Variants in BANF2 observed in about 807,000 individuals in gnomAD.
The protein encoded by BANF2 is BANF family member 2.
A neutral mutation model predicts 8.0 loss-of-function variants in BANF2; 4 were observed. The observed-to-expected ratio is 0.50, with a 90% CI of 0.25 to 1.14. BANF2 has a LOEUF of 1.14. Among genes scored for constraint, BANF2 ranks in the 50% most tolerant of loss-of-function variants. The pLI is 0.16. For missense variants in BANF2, 96 were observed against 107.5 expected (o/e 0.89, Z 0.47); for synonymous variants, 50 against 40.6 (o/e 1.23, Z -0.88).
chr20:17,733,589 A>G (rs1033297434), intron 3 of BANF2, among the ~76,000 whole-genome samples: 3 of 152,154 alleles, frequency 2.0e-5, no homozygotes, highest in African/African-American at 7.2e-5. Flanking sequence ...CTACTGGCTC[A>G]ATTAACACTT....
chr20:17,699,095 C>T (rs538600501), upstream of BANF2, among the ~76,000 whole-genome samples: 29 of 152,280 alleles, frequency 1.9e-4, no homozygotes, highest in African/African-American at 6.5e-4. Flanking sequence ...TGTATTTTAA[C>T]GAGTCTTCCA....
At chr20:17,714,069 G>A (rs1205926890) in intron 1 of BANF2, among the ~76,000 whole-genome samples, 2 of 151,612 alleles carry the variant, frequency 1.3e-5, no homozygotes, top group African/African-American at 2.4e-5. Flanking sequence ...AGCCAGGCAT[G>A]GTGACAGGTG....
At chr20:17,729,114 G>A (rs6080802) in intron 3 of BANF2, among the ~76,000 whole-genome samples, 17,665 of 152,162 alleles carry the variant, frequency 0.12, 1,214 homozygotes, top group Middle Eastern at 0.27. Flanking sequence ...AGATGTAAGG[G>A]CGAAAGAGCC....
chr20:17,713,839 A>C (rs1036663204), intron 1 of BANF2, among the ~76,000 whole-genome samples: 4 of 152,038 alleles, frequency 2.6e-5, no homozygotes, highest in African/African-American at 9.7e-5. Context: ...CATCTCAAAA[A>C]TAAAAAATAA....
At chr20:17,715,997 G>A (rs2037646767) in intron 1 of BANF2, among the ~76,000 whole-genome samples, 1 of 152,096 alleles carries the variant, frequency 6.6e-6, no homozygotes, top group Admixed American at 6.6e-5. Flanking sequence ...CCACAACTGT[G>A]GTGACCATGA....
At chr20:17,735,374 C>T (rs1300339350) in intron 3 of BANF2, among the ~76,000 whole-genome samples, 1 of 152,196 alleles carries the variant, frequency 6.6e-6, no homozygotes, top group Non-Finnish European at 1.5e-5. Flanking sequence ...TTTTAACAAG[C>T]TCCCACATGA....
At chr20:17,722,525 C>T (rs537071877) in intron 1 of BANF2, among the ~76,000 whole-genome samples, 191 bp from the exon 2 acceptor site, 1 of 152,226 alleles carries the variant, frequency 6.6e-6, no homozygotes, top group Non-Finnish European at 1.5e-5. Flanking sequence ...GGTGCTGAGG[C>T]GTTCTCCTGT....
rs527272543 is a variant in BANF2 at position 17,701,271 on chromosome 20, A to G, written c.-167+1216A>G. On this transcript the variant is annotated intron_variant, in intron 1 of 3. Coordinates refer to ENST00000246090, the MANE Select transcript of BANF2 (RefSeq NM_178477.5). ...CCGTCCTGCAGCAGGTTTAATTTGG[A>G]GAGGAGAAAGGGAGCAAACGCTGAA... 5.3e-5 allele frequency among the ~76,000 whole-genome samples: 8 copies of G among 152,258 alleles called. No homozygotes were observed. In the South Asian group the frequency reaches 1.7e-3, roughly 32 times the overall value.
Position 17,717,941 on chromosome 20 carries a change from C to T in BANF2, c.-166-4775C>T, listed in dbSNP as rs982728321. On this transcript the variant is annotated intron_variant, in intron 1 of 3. Transcript: ENST00000246090. ...TCACAGTTTCTCAGCAAGAAAATTC[C>T]AAAAATGCTTTTTGGCCACTTGAAT... 2.0e-5 allele frequency among the ~76,000 whole-genome samples: 3 copies of T among 152,036 alleles called. No homozygotes were observed. The South Asian group carries it at 6.2e-4, about 32-fold the overall frequency.
At chr20:17,733,576 C>T (rs776876264) in intron 3 of BANF2, among the ~76,000 whole-genome samples, 62 of 152,264 alleles carry the variant, frequency 4.1e-4, no homozygotes, top group Non-Finnish European at 7.6e-4. Flanking sequence ...CCCACACCTA[C>T]GTCTACTGGC....
intron 1 of BANF2, among the ~76,000 whole-genome samples, chr20:17,708,233 C>CA (rs2037515507): frequency 6.6e-6 from 1 of 151,584 alleles, no homozygotes; most frequent in Non-Finnish European, 1.5e-5. Context: ...CGAACAAAAA[C>CA]AAAAACAAAC....
intron 1 of BANF2, among the ~76,000 whole-genome samples, chr20:17,718,464 C>T (rs145203288): frequency 1.3e-4 from 20 of 152,260 alleles, no homozygotes; most frequent in Non-Finnish European, 2.6e-4. Flanking sequence ...CATGAGCTAC[C>T]GCGCCCAGCC....
At chr20:17,715,698 C>T (rs1490629112) in intron 1 of BANF2, among the ~76,000 whole-genome samples, 1 of 152,140 alleles carries the variant, frequency 6.6e-6, no homozygotes, top group African/African-American at 2.4e-5. Context: ...GCACAGTGCT[C>T]GGTACACAAA....
chr20:17,707,563 G>A lies in BANF2; in HGVS notation c.-167+7508G>A, dbSNP rs2037501096. ...CATGTCCAAGGTTCAAGATGAGAAT[G>A]ACCTGATCCTATATATATATATACT... is the stretch of plus-strand genomic sequence containing the variant. On this transcript the variant is annotated intron_variant, in intron 1 of 3. Coordinates refer to ENST00000246090, the MANE Select transcript of BANF2 (RefSeq NM_178477.5). Among the ~76,000 whole-genome samples the A allele has an allele frequency of 5.9e-5, 9 of 152,102 alleles. No individual in the cohort carries two copies. In the South Asian group the frequency reaches 1.9e-3, roughly 32 times the overall value.
At chr20:17,720,035 C>T (rs1600223017) in intron 1 of BANF2, among the ~76,000 whole-genome samples, 2 of 152,318 alleles carry the variant, frequency 1.3e-5, no homozygotes, top group Admixed American at 1.3e-4. Flanking sequence ...ATGTCCAGGG[C>T]ATACCCTATG....
chr20:17,726,925 A>C (rs2037817340), intron 3 of BANF2, among the ~76,000 whole-genome samples: 1 of 152,230 alleles, frequency 6.6e-6, no homozygotes, highest in Non-Finnish European at 1.5e-5. Flanking sequence ...TACCATAGTC[A>C]AGACACAGAG....
intron 3 of BANF2, among the ~76,000 whole-genome samples, chr20:17,727,214 T>G (rs980555606): frequency 1.3e-5 from 2 of 152,220 alleles, no homozygotes; most frequent in South Asian, 4.1e-4. Context: ...CCTGGAGATG[T>G]GCTCCTCTTG....
At chr20:17,724,388 G>T (rs2037773379) in intron 2 of BANF2, among the ~76,000 whole-genome samples, 1 of 152,304 alleles carries the variant, frequency 6.6e-6, no homozygotes, top group South Asian at 2.1e-4. Flanking sequence ...CTTCTTTTGA[G>T]GTGGAGTTGG....
At chr20:17,713,298 G>A (rs1330753625) in intron 1 of BANF2, among the ~76,000 whole-genome samples, 2 of 151,982 alleles carry the variant, frequency 1.3e-5, no homozygotes, top group Non-Finnish European at 2.9e-5. Flanking sequence ...TTGCATGGAT[G>A]CACCTTGAGG....
Sources: allele counts gnomAD v4.1 joint callset (sites outside exome capture counted in the v4.1 genomes callset), GRCh38; gene constraint gnomAD v4.1.1; transcripts MANE v1.5; gene names NCBI Gene and HGNC (gene_info 2026-07-23, HGNC 2026-07-21).